CELF2: variants seen among roughly 807,000 people sequenced by gnomAD.
CELF2 encodes CUG triplet repeat RNA-binding protein 2.
CELF2 carries 8 observed loss-of-function variants against 62.6 expected under a neutral mutation model. That is an observed-to-expected ratio of 0.13 (90% CI 0.07 to 0.23). The LOEUF (loss-of-function observed/expected upper bound fraction) is 0.23. CELF2 is among the 10% of genes least tolerant of loss of function. The pLI, the probability that CELF2 is intolerant of heterozygous loss-of-function variation, is 1.00. For missense variants in CELF2, 333 were observed against 671.0 expected (o/e 0.50, Z 5.56); for synonymous variants, 258 against 250.0 (o/e 1.03, Z -0.30).
At chr10:10,613,565 T>C in the CELF2 span, among the ~76,000 whole-genome samples, 3 of 152,336 alleles carry the variant, frequency 2.0e-5, no homozygotes, top group South Asian at 6.2e-4. Flanking sequence ...GTAGTTTTAT[T>C]GTTTAATTAC....
Position 11,268,530 on chromosome 10 carries a change from A to G in CELF2, c.618+1853A>G, listed in dbSNP as rs1277881363. Among the ~76,000 whole-genome samples the G allele has an allele frequency of 6.6e-6, 1 of 152,218 alleles. No individual in the cohort carries two copies. The highest frequency in any genetic ancestry group is 2.4e-5 in the African/African-American group (1 of 41,460). On this transcript the variant is annotated intron_variant, in intron 6 of 12. Coordinates refer to ENST00000633077, the MANE Select transcript of CELF2 (RefSeq NM_001326342.2). The surrounding 1 kb of genome is among the most constrained non-coding windows in gnomAD (Gnocchi z 4.7). ...GGCATGAACCAGGCTGAGAAACAGT[A>G]GGTTCCCATCATGTAAAGAGTTGGT...
the CELF2 span, among the ~76,000 whole-genome samples, chr10:10,739,627 C>G: frequency 6.6e-6 from 1 of 152,142 alleles, no homozygotes; most frequent in Non-Finnish European, 1.5e-5. Context: ...TCATATTTCA[C>G]CAGTTTTTCC....
At chr10:11,024,276 A>C (rs983602571) in intron 1 of CELF2, among the ~76,000 whole-genome samples, 3 of 152,150 alleles carry the variant, frequency 2.0e-5, no homozygotes, top group Admixed American at 6.5e-5. Flanking sequence ...TAAAGGTAGG[A>C]GTTAGATACA....
the CELF2 span, among the ~76,000 whole-genome samples, chr10:10,475,100 C>T: frequency 3.9e-5 from 6 of 152,180 alleles, no homozygotes; most frequent in East Asian, 1.2e-3. Flanking sequence ...GGAAAAGATT[C>T]GTATAAGCCA....
At chr10:10,819,304 A>G (rs1218275137) in intron 1 of CELF2, among the ~76,000 whole-genome samples, 1 of 152,202 alleles carries the variant, frequency 6.6e-6, no homozygotes, top group Non-Finnish European at 1.5e-5. Flanking sequence ...GTTGATCGAA[A>G]GGGAACCTGA....
chr10:10,507,546 G>C, the CELF2 span, among the ~76,000 whole-genome samples: 1 of 152,162 alleles, frequency 6.6e-6, no homozygotes, highest in Non-Finnish European at 1.5e-5. Context: ...AGAGGATATA[G>C]TAGGGATTAG....
At chr10:11,070,727 A>G (rs2069667469) in intron 1 of CELF2, among the ~76,000 whole-genome samples, 1 of 152,204 alleles carries the variant, frequency 6.6e-6, no homozygotes, top group African/African-American at 2.4e-5. Flanking sequence ...GAGACGGAGG[A>G]AGAACAGTGG....
intron 2 of CELF2, among the ~76,000 whole-genome samples, chr10:10,940,521 A>T (rs2046936778): frequency 6.6e-6 from 1 of 152,222 alleles, no homozygotes; most frequent in African/African-American, 2.4e-5. Flanking sequence ...ACAAGTGTCA[A>T]GAGGTTCTGT....
rs1279964058 is a variant in CELF2 at position 11,324,241 on chromosome 10, A to G, written c.1295-1595A>G. 6.6e-6 allele frequency among the ~76,000 whole-genome samples: 1 copy of G among 152,208 alleles called. No homozygotes were observed. Among genetic ancestry groups the G allele is most frequent in the Non-Finnish European group, 1.5e-5 (1 of 68,032 alleles). On this transcript the variant is annotated intron_variant, in intron 11 of 12. Transcript: ENST00000633077. This position sits in a 1 kb window ranked among gnomAD's most constrained non-coding sequence, Gnocchi z 4.7. ...CTTCAGGAGGTGAGATGTACTTCAC[A>G]GTTCAAACTGGGGCCCAATAACTCT...
At chr10:11,038,588 A>C (rs1389786826) in intron 1 of CELF2, among the ~76,000 whole-genome samples, 1 of 152,232 alleles carries the variant, frequency 6.6e-6, no homozygotes, top group East Asian at 1.9e-4. Flanking sequence ...ATTTCTATTA[A>C]TAATCAACTA....
At chr10:11,308,150 G>A (rs2094361634) in intron 9 of CELF2, among the ~76,000 whole-genome samples, 1 of 152,100 alleles carries the variant, frequency 6.6e-6, no homozygotes, top group South Asian at 2.1e-4. Flanking sequence ...TAATCTTACT[G>A]GGATCCATGA....
chr10:10,819,402 C>A (rs777320332), intron 1 of CELF2, among the ~76,000 whole-genome samples: 1 of 152,136 alleles, frequency 6.6e-6, no homozygotes, highest in Non-Finnish European at 1.5e-5. Flanking sequence ...CCAGAAACCA[C>A]GAATTTTAGC....
the CELF2 span, among the ~76,000 whole-genome samples, chr10:10,682,287 A>G: frequency 6.6e-6 from 1 of 152,270 alleles, no homozygotes; most frequent in East Asian, 1.9e-4. Flanking sequence ...GTCGGTGAGC[A>G]CAATGAGAAA....
chr10:11,205,523 T>C (rs950218017), intron 2 of CELF2, among the ~76,000 whole-genome samples: 3 of 152,328 alleles, frequency 2.0e-5, no homozygotes, highest in Middle Eastern at 3.4e-3. Context: ...ACATCTATAA[T>C]ATAGCTGTCA....
the CELF2 span, among the ~76,000 whole-genome samples, chr10:10,520,677 G>C: frequency 6.6e-6 from 1 of 152,122 alleles, no homozygotes; most frequent in Admixed American, 6.6e-5. Context: ...CAACCAGCGA[G>C]AGAAACAAAG....
rs185954179 is a variant in CELF2 at position 11,127,570 on chromosome 10, T to C, written c.75-37916T>C. Among the ~76,000 whole-genome samples the C allele has an allele frequency of 2.0e-3, 301 of 152,342 alleles. 4 individuals carry two copies. The highest frequency in any genetic ancestry group is 2.4e-3 in the Non-Finnish European group (165 of 68,032). Reference sequence around the variant, plus strand: ...TGCAGCATCTGTTGTTTCCTGACTTTTTAATGATTGCCATTCTAGCTGGTG... The same window carrying C: ...TGCAGCATCTGTTGTTTCCTGACTTCTTAATGATTGCCATTCTAGCTGGTG... On this transcript the variant is annotated intron_variant, in intron 1 of 12. Coordinates refer to ENST00000633077, the MANE Select transcript of CELF2 (RefSeq NM_001326342.2).
At chr10:10,606,996 T>A in the CELF2 span, among the ~76,000 whole-genome samples, 1 of 152,194 alleles carries the variant, frequency 6.6e-6, no homozygotes, top group Non-Finnish European at 1.5e-5. Context: ...ATGGCTATTT[T>A]AATTAAAGAA....
At chr10:11,120,599 C>G (rs1488043518) in intron 1 of CELF2, among the ~76,000 whole-genome samples, 1 of 152,180 alleles carries the variant, frequency 6.6e-6, no homozygotes, top group Non-Finnish European at 1.5e-5. Context: ...AGGGAGAGCA[C>G]TCTTGCCCTT....
At chr10:10,868,341 T>C (rs2060513191) in intron 1 of CELF2, among the ~76,000 whole-genome samples, 2 of 152,234 alleles carry the variant, frequency 1.3e-5, no homozygotes, top group Non-Finnish European at 2.9e-5. Flanking sequence ...GGAGCTCAGC[T>C]GCTTGTGACT....
Sources: gnomAD v4.1 joint callset for allele counts (sites outside exome capture counted in the v4.1 genomes callset) on GRCh38, gnomAD v4.1.1 for gene constraint, Gnocchi (gnomAD v3.1) non-coding constraint, MANE v1.5 for transcripts, NCBI Gene and HGNC (gene_info 2026-07-23, HGNC 2026-07-21) for gene names.